Variants in MYOZ1 observed in about 807,000 individuals in gnomAD.
MYOZ1 encodes myozenin-1.
Under a neutral mutation model 28.7 loss-of-function variants are expected in MYOZ1, and 20 were observed. The observed-to-expected ratio is 0.70, with a 90% CI of 0.49 to 1.01. The LOEUF (loss-of-function observed/expected upper bound fraction) is 1.01. Ranked by LOEUF, MYOZ1 falls within the 50% of genes least tolerant of loss-of-function variation. The probability of loss-of-function intolerance (pLI) is 0.00; values close to 1 mark genes in which losing one functional copy is unlikely to be tolerated. For synonymous variants in MYOZ1, 144 were observed against 145.8 expected (o/e 0.99, Z 0.09); for missense variants, 371 against 372.4 (o/e 1.00, Z 0.03).
At chr10:73,639,092 A>C (rs933764818) in intron 2 of MYOZ1, among the ~76,000 whole-genome samples, 5 of 150,586 alleles carry the variant, frequency 3.3e-5, no homozygotes, top group African/African-American at 4.9e-5. Context: ...CAGGTATGAG[A>C]CACAGCCCCA....
At chr10:73,632,321 G>A (rs2081639849) in intron 5 of MYOZ1, among the ~76,000 whole-genome samples, 160 bp from the exon 6 acceptor site, 1 of 152,088 alleles carries the variant, frequency 6.6e-6, no homozygotes, top group African/African-American at 2.4e-5. Flanking sequence ...TTGCCTTCCT[G>A]GTTAGCTTGT....
chr10:73,640,300 C>T (rs2081696128), intron 1 of MYOZ1, among the ~76,000 whole-genome samples: 1 of 152,160 alleles, frequency 6.6e-6, no homozygotes, highest in Non-Finnish European at 1.5e-5. Context: ...TAGGTGCGCA[C>T]CACCGTGCCT....
rs563759429 is a variant in MYOZ1 at position 73,637,959 on chromosome 10, A to G, written c.74-37T>C. ...GCAAAGAAGAAGAATCAAGGGAAAG[A>G]GGAAAGTAGGGTTTTCTGGGCTCAG... On this transcript the variant is annotated intron_variant, in intron 2 of 5. Transcript: ENST00000359322. 21 of 1,586,144 alleles carry G rather than the reference A, an allele frequency of 1.3e-5. 1 individual carries two copies. In the South Asian group the frequency reaches 1.6e-4, roughly 12 times the overall value.
chr10:73,632,924 C>T (rs1317217047), intron 5 of MYOZ1, among the ~76,000 whole-genome samples: 23 of 152,186 alleles, frequency 1.5e-4, no homozygotes, highest in Admixed American at 1.4e-3. Context: ...CTTTCTAGCT[C>T]TTCCCTATCC....
intron 2 of MYOZ1, 126 bp downstream of exon 2, chr10:73,639,819 C>G: frequency 1.1e-6 from 1 of 872,120 alleles, no homozygotes; most frequent in Non-Finnish European, 1.8e-6. Flanking sequence ...CTCCCACTCC[C>G]CATCACCCGC....
In MYOZ1 at chr10:73,634,614, G is replaced by A. The variant is rs764890990; in HGVS notation, c.372C>T (p.Ala124=). Reference sequence around the variant, plus strand: ...GCTGCTGATCAGAGCCATACTGTCCGGCAGAGCCACTGCCCCCTGCCTGGC... The same window carrying A: ...GCTGCTGATCAGAGCCATACTGTCCAGCAGAGCCACTGCCCCCTGCCTGGC... ...GGSQAGGSGS[A]GQYGSDQQHH... is the part of the protein sequence containing the mutation. The change falls in exon 4 of 6, where the codon GCC becomes GCT. Residue 124 remains alanine, a synonymous_variant. Coordinates refer to ENST00000359322, the MANE Select transcript of MYOZ1 (RefSeq NM_021245.4). 3.0e-5 allele frequency: 48 copies of A among 1,614,024 alleles called. No individual in the cohort carries two copies. Among genetic ancestry groups the A allele is most frequent in the South Asian group, 9.9e-5 (9 of 91,084 alleles).
At chr10:73,632,277 A>G (rs1420232723) in intron 5 of MYOZ1, 116 bp from the exon 6 acceptor site, 10 of 911,220 alleles carry the variant, frequency 1.1e-5, no homozygotes, top group Non-Finnish European at 1.5e-5. Flanking sequence ...TTGGGATTGC[A>G]TCTGTACTCC....
chr10:73,631,809 C>CGGTGG lies in MYOZ1; in HGVS notation c.*120_*121insCCACC. The CGGTGG allele has an allele frequency of 2.3e-6, 2 of 857,118 alleles. No homozygotes were observed. The highest frequency in any genetic ancestry group is 2.4e-5 in the Admixed American group (1 of 40,892). The allele number at this position is 857,118 out of a possible 1,614,324, so 53.1% of individuals were successfully genotyped here. On this transcript the variant is annotated 3_prime_UTR_variant, in exon 6 of 6. Transcript: ENST00000359322. ...GAGTAAAGGATGGAAAGGTAGATCT[C>CGGTGG]TCCTTTTTCCCTCCATTCCCATAAG...
chr10:73,635,343 C>T (rs926218731), intron 3 of MYOZ1, among the ~76,000 whole-genome samples: 1 of 151,924 alleles, frequency 6.6e-6, no homozygotes, highest in African/African-American at 2.4e-5. Flanking sequence ...TCAAAAAAGA[C>T]CAACACGCCT....
chr10:73,640,139 G>A, intron 1 of MYOZ1, 104 bp from the exon 2 acceptor site: 1 of 927,020 alleles, frequency 1.1e-6, no homozygotes, highest in Non-Finnish European at 1.6e-6. Context: ...GGGCTTGAGG[G>A]GACAAAAAAA....
At chr10:73,634,204 G>T in intron 4 of MYOZ1, 139 bp from the exon 5 acceptor site, 2 of 1,115,754 alleles carry the variant, frequency 1.8e-6, no homozygotes, top group Non-Finnish European at 2.5e-6. Context: ...TATAAGGTTT[G>T]TGGCATAATG....
At chr10:73,632,227 G>T (rs1171610029) in intron 5 of MYOZ1, 66 bp from the exon 6 acceptor site, 19 of 1,400,114 alleles carry the variant, frequency 1.4e-5, no homozygotes, top group Non-Finnish European at 3.0e-6. Context: ...ATCATGAGAT[G>T]CTACCCTCTT....
chr10:73,635,001 C>T (rs747502175), intron 3 of MYOZ1, among the ~76,000 whole-genome samples: 3 of 151,952 alleles, frequency 2.0e-5, no homozygotes, highest in African/African-American at 4.8e-5. Context: ...CTCGGCTCAC[C>T]GCAACCTCAG....
chr10:73,638,720 G>C, intron 2 of MYOZ1, among the ~76,000 whole-genome samples: 1 of 150,380 alleles, frequency 6.6e-6, no homozygotes, highest in African/African-American at 2.5e-5. Context: ...AGGCTGAAGT[G>C]CAATGGCGCG....
At chr10:73,634,363 A>G in intron 4 of MYOZ1, 121 bp downstream of exon 4, 1 of 1,129,032 alleles carries the variant, frequency 8.9e-7, no homozygotes, top group Non-Finnish European at 1.2e-6. Context: ...TGATATTATT[A>G]TATTTAATAT....
chr10:73,633,209 A>G (rs1162579308), intron 5 of MYOZ1, among the ~76,000 whole-genome samples: 1 of 152,116 alleles, frequency 6.6e-6, no homozygotes, highest in African/African-American at 2.4e-5. Context: ...AGGCAGGAAA[A>G]TCACTTGAAC....
intron 2 of MYOZ1, among the ~76,000 whole-genome samples, chr10:73,639,212 TC>T (rs1430930942): frequency 2.0e-5 from 3 of 151,960 alleles, no homozygotes; most frequent in Non-Finnish European, 4.4e-5. Flanking sequence ...AGCCTCCACC[TC>T]CCGGGTTCAA....
At chr10:73,639,346 C>T (rs1292308281) in intron 2 of MYOZ1, among the ~76,000 whole-genome samples, 1 of 151,760 alleles carries the variant, frequency 6.6e-6, no homozygotes, top group East Asian at 1.9e-4. Context: ...AGTCTCAAAC[C>T]CCTGAGTTCA....
Position 73,632,139 on chromosome 10 carries a change from A to G in MYOZ1, c.691T>C (p.Tyr231His). The G allele has an allele frequency of 6.2e-7, 1 of 1,614,160 alleles. No individual in the cohort carries two copies. Among genetic ancestry groups the G allele is most frequent in the South Asian group, 1.1e-5 (1 of 91,084 alleles). The change falls in exon 6 of 6, where the codon TAT (tyrosine) becomes CAT (histidine). Residue 231 changes from tyrosine (Y) to histidine (H), a missense_variant. By Grantham distance (83) the Tyr-to-His change is moderately conservative (BLOSUM62 2). Coordinates refer to ENST00000359322, the MANE Select transcript of MYOZ1 (RefSeq NM_021245.4). ...GTCATGCGTTTGGAGGCCTTCTCAT[A>G]TCCACCATAGGGCATTGCCGTCCTG... The part of the protein sequence containing the change: ...FNRTAMPYGG[Y>H]EKASKRMTFQ...
Sources: gnomAD v4.1 joint callset for allele counts (sites outside exome capture counted in the v4.1 genomes callset) on GRCh38, gnomAD v4.1.1 for gene constraint, MANE v1.5 for transcripts, NCBI Gene and HGNC (gene_info 2026-07-23, HGNC 2026-07-21) for gene names.